The following E2F7 variants were observed in gnomAD, a reference collection of about 807,000 sequenced individuals.
The protein encoded by E2F7 is transcription factor E2F7.
Under a neutral mutation model 81.1 loss-of-function variants are expected in E2F7, and 35 were observed. The observed-to-expected ratio is 0.43, with a 90% CI of 0.33 to 0.57. The LOEUF is 0.57. E2F7 is among the 20% of genes least tolerant of loss of function. The probability of loss-of-function intolerance (pLI) is 0.04; values close to 1 mark genes in which losing one functional copy is unlikely to be tolerated. For synonymous variants in E2F7, 416 were observed against 416.2 expected (o/e 1.00, Z 0.01); for missense variants, 961 against 1,093.7 (o/e 0.88, Z 1.71).
intron 9 of E2F7, among the ~76,000 whole-genome samples, chr12:77,031,934 C>T (rs758946813): frequency 2.6e-5 from 4 of 152,156 alleles, no homozygotes; most frequent in Non-Finnish European, 4.4e-5. Flanking sequence ...CATCCCTCCA[C>T]CCAGCCATCC....
chr12:77,063,176 C>T lies in E2F7; in HGVS notation c.93+1367G>A, dbSNP rs7961286. Among the ~76,000 whole-genome samples, 200 of 152,210 alleles carry T rather than the reference C, an allele frequency of 1.3e-3. 1 individual carries two copies. The highest frequency in any genetic ancestry group is 4.6e-3 in the African/African-American group (189 of 41,532). ...GTCACGGTATTGCAGTGCTCATGTT[C>T]GAGTAACTCTTATTTGACTTCATAA... On this transcript the variant is annotated intron_variant, in intron 2 of 12. Coordinates refer to ENST00000322886, the MANE Select transcript of E2F7 (RefSeq NM_203394.3).
intron 11 of E2F7, among the ~76,000 whole-genome samples, chr12:77,027,116 T>G (rs1201548420): frequency 6.6e-6 from 1 of 152,232 alleles, no homozygotes; most frequent in Non-Finnish European, 1.5e-5. Context: ...TTTTTCTAGA[T>G]AAGTGAATAA....
chr12:77,023,952 C>T lies in E2F7; in HGVS notation c.*63G>A. The T allele has an allele frequency of 6.4e-7, 1 of 1,570,262 alleles. No individual in the cohort carries two copies. The highest frequency in any genetic ancestry group is 2.2e-5 in the East Asian group (1 of 44,462). ...TGCTCAGGACGGGATGGTTTGCATC[C>T]CGCCTCGGACATCCGGGACTCTCAG... On this transcript the variant is annotated 3_prime_UTR_variant, in exon 13 of 13. Transcript: ENST00000322886.
chr12:77,025,287 A>C (rs1192703644), intron 12 of E2F7, among the ~76,000 whole-genome samples: 1 of 152,192 alleles, frequency 6.6e-6, no homozygotes, highest in Non-Finnish European at 1.5e-5. Context: ...TTCCTCAAAA[A>C]TCCCCCCGAA....
At chr12:77,049,413 A>G (rs1049958849) in intron 4 of E2F7, among the ~76,000 whole-genome samples, 2 of 152,208 alleles carry the variant, frequency 1.3e-5, no homozygotes, top group Non-Finnish European at 2.9e-5. Flanking sequence ...CTGACTAGAA[A>G]CTGTTCCACA....
At position 77,024,327 on chromosome 12, in the gene E2F7, CGTT is replaced by C; in HGVS notation, c.2566-145_2566-143del. ...CTTTGCTTTCTTATCACACTTACCC[CGTT>C]TGTCTCCCCTGCTTACCACAACTGA... On this transcript the variant is annotated intron_variant, in intron 12 of 12. Transcript: ENST00000322886. The C allele has an allele frequency of 3.5e-6, 3 of 862,218 alleles. No individual in the cohort carries two copies. In the South Asian group the frequency reaches 6.0e-5, roughly 17 times the overall value. The allele number at this position is 862,218 out of a possible 1,614,324, so 53.4% of individuals were successfully genotyped here.
Position 77,024,152 on chromosome 12 carries a change from G to T in E2F7, c.2599C>A (p.Arg867Ser), listed in dbSNP as rs1056535721. The T allele has an allele frequency of 2.5e-6, 4 of 1,614,036 alleles. No individual in the cohort carries two copies. Among genetic ancestry groups the T allele is most frequent in the Non-Finnish European group, 3.4e-6 (4 of 1,180,000 alleles). ...TTGAAAAACGTCTCACGATGTGTGC[G>T]TTGGATGCTCTTGGGGGTCACTGGA... ...PVPVTPKSIQ[R>S]THRETFFKTP... Residue 867 changes from arginine (R) to serine (S), a missense_variant, in exon 13 of 13, where the codon CGC becomes AGC. Coordinates refer to ENST00000322886, the MANE Select transcript of E2F7 (RefSeq NM_203394.3).
intron 3 of E2F7, among the ~76,000 whole-genome samples, chr12:77,055,046 T>G (rs1264457865): frequency 6.6e-6 from 1 of 152,148 alleles, no homozygotes; most frequent in African/African-American, 2.4e-5. Flanking sequence ...AAAGGAATTG[T>G]GAAATTCCTC....
At chr12:77,061,200 T>C (rs1389318959) in intron 2 of E2F7, among the ~76,000 whole-genome samples, 2 of 152,266 alleles carry the variant, frequency 1.3e-5, no homozygotes, top group African/African-American at 4.8e-5. Context: ...TGTTCGGACC[T>C]GATTACGACC....
rs1031838950 is a variant in E2F7, at chr12:77,022,445, G to A, written c.*1570C>T. 6.6e-6 allele frequency: 1 copy of A among 152,334 alleles called. No homozygotes were observed. Among genetic ancestry groups the A allele is most frequent in the Non-Finnish European group, 1.5e-5 (1 of 67,980 alleles). 9.4% of individuals were successfully genotyped at this position (152,334 alleles called of 1,614,324 possible). ...CTCAAGTTTTAAAAAATCTTGTGGGGGTAATAAGGCTAATATTATCCTGTA... is the reference window on the plus strand; with the variant it reads ...CTCAAGTTTTAAAAAATCTTGTGGGAGTAATAAGGCTAATATTATCCTGTA... On this transcript the variant is annotated 3_prime_UTR_variant, in exon 13 of 13. Coordinates refer to ENST00000322886, the MANE Select transcript of E2F7 (RefSeq NM_203394.3).
Position 77,022,136 on chromosome 12 carries a change from A to C in E2F7, c.*1879T>G, listed in dbSNP as rs1467071601. ...TTTCCGTCTAAATGCAGACCTCTCC[A>C]TGAAATATTTTGTGGAAGTTCTTAA... is the stretch of plus-strand genomic sequence containing the variant. On this transcript the variant is annotated 3_prime_UTR_variant, in exon 13 of 13. Transcript: ENST00000322886. The C allele has an allele frequency of 6.6e-6, 1 of 152,220 alleles. No individual in the cohort carries two copies. Among genetic ancestry groups the C allele is most frequent in the Non-Finnish European group, 1.5e-5 (1 of 68,028 alleles). The allele number at this position is 152,220 out of a possible 1,614,324, so 9.4% of individuals were successfully genotyped here.
In E2F7 at chr12:77,033,897, T is replaced by C; in HGVS notation, c.1269A>G (p.Lys423=). 1 of 1,613,770 alleles carries C rather than the reference T, an allele frequency of 6.2e-7. No homozygotes were observed. The highest frequency in any genetic ancestry group is 8.5e-7 in the Non-Finnish European group (1 of 1,179,864). ...TVQASERIQR[K]VNSEPSSPYR... is the part of the protein sequence containing the mutation. ...ACGGGCTGCTCGGTTCTGAGTTCACTTTCCTCTGGATCCTCTCAGAAGCCT... is the reference window on the plus strand; with the variant it reads ...ACGGGCTGCTCGGTTCTGAGTTCACCTTCCTCTGGATCCTCTCAGAAGCCT... The change falls in exon 8 of 13, where the codon AAA becomes AAG. Residue 423 remains lysine, a synonymous_variant. Coordinates refer to ENST00000322886, the MANE Select transcript of E2F7 (RefSeq NM_203394.3).
chr12:77,049,164 C>G (rs774697745), intron 4 of E2F7, among the ~76,000 whole-genome samples: 3 of 152,066 alleles, frequency 2.0e-5, no homozygotes, highest in Admixed American at 6.6e-5. Context: ...GTATAACATT[C>G]CATATACCCT....
chr12:77,029,073 G>T (rs1954782659), intron 10 of E2F7, among the ~76,000 whole-genome samples: 1 of 152,170 alleles, frequency 6.6e-6, no homozygotes, highest in East Asian at 1.9e-4. Flanking sequence ...ACTGTGGGCT[G>T]GCCCAAGATG....
At chr12:77,057,566 G>C (rs1208678897) in intron 2 of E2F7, among the ~76,000 whole-genome samples, 1 of 152,056 alleles carries the variant, frequency 6.6e-6, no homozygotes, top group Non-Finnish European at 1.5e-5. Flanking sequence ...TTTGCACCCT[G>C]GTGATAGTTT....
In E2F7 at chr12:77,033,985, T is replaced by G. The variant is rs766897515; in HGVS notation, c.1181A>C (p.Tyr394Ser). 1 of 1,614,206 alleles carries G rather than the reference T, an allele frequency of 6.2e-7. No homozygotes were observed. The highest frequency in any genetic ancestry group is 1.7e-5 in the Admixed American group (1 of 60,028). Residue 394 changes from tyrosine (Y) to serine (S), a missense_variant, in exon 8 of 13, where the codon TAT (tyrosine) becomes TCT (serine). Physicochemically the swap from Tyr to Ser is moderately radical, Grantham distance 144. This residue lies in a region of E2F7 where 301 missense variants were observed against 405.0 expected (regional missense o/e 0.74). Transcript: ENST00000322886. ...SVLPELKRET[Y>S]GQIQVCAKQK... ...TTTTGCACAGACTTGAATCTGGCCA[T>G]ATGTTTCTCTTTTCAATTCTGGTAA... is the stretch of plus-strand genomic sequence containing the variant.
At chr12:77,025,069 A>G (rs1954746820) in intron 12 of E2F7, among the ~76,000 whole-genome samples, 1 of 152,174 alleles carries the variant, frequency 6.6e-6, no homozygotes, top group Non-Finnish European at 1.5e-5. Context: ...ATAGATGTAT[A>G]TACATACAGA....
intron 10 of E2F7, among the ~76,000 whole-genome samples, chr12:77,029,223 G>A (rs1433189509): frequency 2.6e-5 from 4 of 152,200 alleles, no homozygotes; most frequent in Non-Finnish European, 4.4e-5. Context: ...TGATTTCCAC[G>A]AAGTGTGCCC....
chr12:77,026,957 G>A (rs978381202), intron 11 of E2F7, among the ~76,000 whole-genome samples: 2 of 152,142 alleles, frequency 1.3e-5, no homozygotes, highest in African/African-American at 4.8e-5. Flanking sequence ...CTGCCAAAAG[G>A]TCCATGGCAC....
Sources: allele counts gnomAD v4.1 joint callset (sites outside exome capture counted in the v4.1 genomes callset), GRCh38; gene constraint gnomAD v4.1.1; regional missense constraint gnomAD v4.1.1; transcripts MANE v1.5; gene names NCBI Gene and HGNC (gene_info 2026-07-23, HGNC 2026-07-21).